The following UNC13A variants were observed in gnomAD, a reference collection of about 807,000 sequenced individuals.
UNC13A encodes the protein unc-13 homolog A.
UNC13A carries 61 observed loss-of-function variants against 219.7 expected under a neutral mutation model. That is an observed-to-expected ratio of 0.28 (90% CI 0.23 to 0.34). UNC13A has a LOEUF of 0.34. Ranked by LOEUF, UNC13A falls within the 10% of genes least tolerant of loss-of-function variation. The pLI, the probability that UNC13A is intolerant of heterozygous loss-of-function variation, is 1.00. For missense variants in UNC13A, 1,476 were observed against 2,270.3 expected (o/e 0.65, Z 7.11); for synonymous variants, 920 against 884.6 (o/e 1.04, Z -0.71).
At position 17,604,688 on chromosome 19, in the gene UNC13A, C is replaced by G. The variant is rs536906258; in HGVS notation, c.*1366G>C. On this transcript the variant is annotated 3_prime_UTR_variant, in exon 44 of 44. Coordinates refer to ENST00000519716, the MANE Select transcript of UNC13A (RefSeq NM_001080421.3). Reference sequence around the variant, plus strand: ...AAGTGTAGTCCACGCTGAACTTTCCCCTAAGGTCCTATGTGCACCAGGTAA... The same window carrying G: ...AAGTGTAGTCCACGCTGAACTTTCCGCTAAGGTCCTATGTGCACCAGGTAA... The G allele has an allele frequency of 6.6e-6, 1 of 152,396 alleles. No individual in the cohort carries two copies. The highest frequency in any genetic ancestry group is 6.5e-5 in the Admixed American group (1 of 15,300). 9.4% of individuals were successfully genotyped at this position (152,396 alleles called of 1,614,324 possible).
chr19:17,652,861 G>C (rs1005809937), intron 11 of UNC13A, among the ~76,000 whole-genome samples, 184 bp from the exon 12 acceptor site: 5 of 152,134 alleles, frequency 3.3e-5, no homozygotes, highest in Admixed American at 3.3e-4. Flanking sequence ...TCTGTAAGAT[G>C]GGCTGGGGGA....
intron 30 of UNC13A, 142 bp from the exon 31 acceptor site, chr19:17,629,465 C>G (rs1313861102): frequency 1.5e-6 from 1 of 656,322 alleles, no homozygotes; most frequent in Non-Finnish European, 2.6e-6. Flanking sequence ...TAGGCAAATT[C>G]TCCACTCAAG....
At chr19:17,638,302 C>A (rs1364077919) in intron 25 of UNC13A, among the ~76,000 whole-genome samples, 2 of 151,528 alleles carry the variant, frequency 1.3e-5, no homozygotes, top group Admixed American at 6.6e-5. Flanking sequence ...GATGCCATCT[C>A]CACAAAAATA....
intron 6 of UNC13A, 143 bp downstream of exon 6, chr19:17,667,974 G>A (rs1374958263): frequency 1.3e-6 from 1 of 783,972 alleles, no homozygotes; most frequent in East Asian, 3.0e-5. Flanking sequence ...CATGGGTCAT[G>A]GATGCAGTCA....
chr19:17,674,740 G>A lies in UNC13A; in HGVS notation c.69C>T (p.Tyr23=), dbSNP rs780941190. The change falls in exon 3 of 44, where the codon TAC becomes TAT. Residue 23 remains tyrosine (Y), a synonymous_variant. Transcript: ENST00000519716. The surrounding 1 kb of genome is among the most constrained non-coding windows in gnomAD (Gnocchi z 5.0). ...FDGAQEKFNT[Y]VTLKVQNVKS... ...TGACATTCTGCACTTTCAGGGTCACGTACGTGTTGAATTTCTCTGTGGCAG... is the reference window on the plus strand; with the variant it reads ...TGACATTCTGCACTTTCAGGGTCACATACGTGTTGAATTTCTCTGTGGCAG... 43 of 1,613,808 alleles carry A rather than the reference G, an allele frequency of 2.7e-5. No individual in the cohort carries two copies. The highest frequency in any genetic ancestry group is 4.4e-5 in the South Asian group (4 of 91,090).
intron 43 of UNC13A, among the ~76,000 whole-genome samples, chr19:17,607,489 C>G (rs10439159): frequency 0.56 from 79,153 of 142,386 alleles, 22,680 homozygotes; most frequent in African/African-American, 0.63. Flanking sequence ...ATGTTGGCCA[C>G]GCTGGTCTCG....
intron 28 of UNC13A, among the ~76,000 whole-genome samples, chr19:17,631,302 C>A (rs898848115): frequency 1.1e-4 from 16 of 148,154 alleles, no homozygotes; most frequent in Non-Finnish European, 1.8e-4. Flanking sequence ...CTCACTGCAG[C>A]CTTGACCTGC....
chr19:17,621,883 T>C lies in UNC13A; in HGVS notation c.4204-13A>G, dbSNP rs753129789. 6 of 1,613,942 alleles carry C rather than the reference T, an allele frequency of 3.7e-6. No homozygotes were observed. In the Admixed American group the frequency reaches 1.0e-4, roughly 27 times the overall value. The stretch of plus-strand genomic sequence containing the variant: ...TCAAGAGGTTCCCCTGCAGAGATAA[T>C]GTCACAGGGTGATCAACCTGGCAAG... On this transcript the variant is annotated splice_polypyrimidine_tract_variant and intron_variant, in intron 36 of 43. Transcript: ENST00000519716.
chr19:17,666,199 T>TTCTTTC (rs1555697394), intron 7 of UNC13A, among the ~76,000 whole-genome samples: 2,554 of 144,094 alleles, frequency 0.018, 72 homozygotes, highest in African/African-American at 0.063. Flanking sequence ...CTTTCTCTCT[T>TTCTTTC]TCTTTCTCTT....
chr19:17,678,385 A>C (rs1297649206), intron 1 of UNC13A, among the ~76,000 whole-genome samples: 1 of 152,138 alleles, frequency 6.6e-6, no homozygotes, highest in East Asian at 1.9e-4. Context: ...AGGCTGAGGC[A>C]GGAGAATCCC....
At chr19:17,666,399 G>A (rs1452478674) in intron 7 of UNC13A, among the ~76,000 whole-genome samples, 1 of 151,902 alleles carries the variant, frequency 6.6e-6, no homozygotes, top group Non-Finnish European at 1.5e-5. Context: ...ATTTATAGTA[G>A]AGATGGGGTT....
chr19:17,608,751 C>T (rs988963525), intron 43 of UNC13A, among the ~76,000 whole-genome samples: 13 of 151,594 alleles, frequency 8.6e-5, no homozygotes, highest in Non-Finnish European at 1.2e-4. Flanking sequence ...CTCCTGACCT[C>T]GTGATCTGCC....
intron 1 of UNC13A, among the ~76,000 whole-genome samples, chr19:17,682,015 C>T (rs1437575333): frequency 1.3e-5 from 2 of 150,130 alleles, no homozygotes; most frequent in Non-Finnish European, 2.9e-5. Context: ...TGCAGTGGCG[C>T]GACCTCGGCT....
chr19:17,607,780 G>A (rs892636657), intron 43 of UNC13A, among the ~76,000 whole-genome samples: 7 of 151,394 alleles, frequency 4.6e-5, no homozygotes, highest in Non-Finnish European at 8.8e-5. Flanking sequence ...CTGCCCCAGT[G>A]CTCTGTGAGG....
intron 42 of UNC13A, among the ~76,000 whole-genome samples, chr19:17,610,472 A>G (rs1404608159): frequency 1.3e-5 from 2 of 152,128 alleles, no homozygotes; most frequent in Non-Finnish European, 2.9e-5. Context: ...TCTAAAAAAA[A>G]TAAAAAATAA....
intron 5 of UNC13A, among the ~76,000 whole-genome samples, chr19:17,668,856 C>T (rs2079718052): frequency 6.6e-6 from 1 of 151,994 alleles, no homozygotes; most frequent in South Asian, 2.1e-4. Flanking sequence ...AGTGCAGTGG[C>T]ACAATCACAA....
intron 39 of UNC13A, 81 bp from the exon 40 acceptor site, chr19:17,618,582 C>A (rs2076693428): frequency 7.1e-7 from 1 of 1,407,896 alleles, no homozygotes; most frequent in South Asian, 1.2e-5. Context: ...CATCCCTGTT[C>A]AACTTGGAGG....
rs3746200 is a variant in UNC13A, at chr19:17,601,565, T to C, written c.*4489A>G. The C allele has an allele frequency of 0.11, 16,868 of 152,440 alleles. 1,088 individuals carry two copies. Among genetic ancestry groups the C allele is most frequent in the African/African-American group, 0.17 (7,220 of 41,524 alleles). The allele number at this position is 152,440 out of a possible 1,614,324, so 9.4% of individuals were successfully genotyped here. ...AAACAAAAAACAAACAACGTTTTGA[T>C]TTCACATCTGCAATCACATGCTAAG... is the stretch of plus-strand genomic sequence containing the variant. On this transcript the variant is annotated 3_prime_UTR_variant, in exon 44 of 44. Coordinates refer to ENST00000519716, the MANE Select transcript of UNC13A (RefSeq NM_001080421.3).
intron 43 of UNC13A, among the ~76,000 whole-genome samples, chr19:17,608,749 C>T (rs531144871): frequency 5.3e-5 from 8 of 151,944 alleles, no homozygotes; most frequent in African/African-American, 1.4e-4. Flanking sequence ...ATCTCCTGAC[C>T]TCGTGATCTG....
Sources: allele counts gnomAD v4.1 joint callset (sites outside exome capture counted in the v4.1 genomes callset), GRCh38; gene constraint gnomAD v4.1.1; non-coding constraint Gnocchi (gnomAD v3.1); transcripts MANE v1.5; gene names NCBI Gene and HGNC (gene_info 2026-07-23, HGNC 2026-07-21).